The following GRIK4 variants were observed in gnomAD, a reference collection of about 807,000 sequenced individuals.
The protein encoded by GRIK4 is glutamate receptor ionotropic, kainate 4.
GRIK4 carries 40 observed loss-of-function variants against 104.9 expected under a neutral mutation model. The observed-to-expected ratio is 0.38, with a 90% CI of 0.30 to 0.50. GRIK4 has a LOEUF of 0.50. Among genes scored for constraint, GRIK4 ranks in the 20% least tolerant of loss-of-function variants. GRIK4 has a pLI of 0.93. For missense variants in GRIK4, 1,047 were observed against 1,308.1 expected, an observed-to-expected ratio of 0.80 and a Z score of 3.08; for synonymous variants, 485 against 524.9, an observed-to-expected ratio of 0.92 and a Z score of 1.04.
chr11:120,782,533 C>T (rs1952179020), intron 3 of GRIK4, among the ~76,000 whole-genome samples: 1 of 152,174 alleles, frequency 6.6e-6, no homozygotes, highest in Non-Finnish European at 1.5e-5. Context: ...GATCTGCCTG[C>T]CTTGGCCTCC....
chr11:120,614,639 T>A (rs1949082938), intron 1 of GRIK4, among the ~76,000 whole-genome samples: 1 of 152,194 alleles, frequency 6.6e-6, no homozygotes, highest in African/African-American at 2.4e-5. Flanking sequence ...CCAGCTACCC[T>A]ACGGTTCTAG....
intron 11 of GRIK4, among the ~76,000 whole-genome samples, chr11:120,883,464 G>C (rs1252638530): frequency 2.0e-5 from 3 of 152,144 alleles, no homozygotes; most frequent in Non-Finnish European, 4.4e-5. Flanking sequence ...TTCACTAAAA[G>C]GCTCTGAAAT....
chr11:120,748,477 C>T (rs539572965), intron 3 of GRIK4, among the ~76,000 whole-genome samples: 2 of 152,172 alleles, frequency 1.3e-5, no homozygotes, highest in South Asian at 2.1e-4. Context: ...GCTACCAGAC[C>T]CACAGTTTCC....
chr11:120,649,934 A>T (rs1369778012), intron 1 of GRIK4, among the ~76,000 whole-genome samples: 2 of 152,044 alleles, frequency 1.3e-5, no homozygotes, highest in African/African-American at 4.8e-5. Context: ...TTCAGAACTG[A>T]GCTGTTTTGT....
At chr11:120,633,219 A>G (rs1438014549) in intron 1 of GRIK4, among the ~76,000 whole-genome samples, 4 of 152,158 alleles carry the variant, frequency 2.6e-5, no homozygotes, top group African/African-American at 4.8e-5. Flanking sequence ...TGCCAATGGC[A>G]AGGTAATTAT....
chr11:120,982,907 G>A (rs930442697), intron 20 of GRIK4, among the ~76,000 whole-genome samples: 2 of 152,100 alleles, frequency 1.3e-5, no homozygotes, highest in African/African-American at 4.8e-5. Flanking sequence ...ACACAACACC[G>A]CCTGCCAGTC....
intron 1 of GRIK4, among the ~76,000 whole-genome samples, chr11:120,516,667 G>C (rs1020920918): frequency 2.0e-5 from 3 of 152,152 alleles, no homozygotes; most frequent in South Asian, 2.1e-4. Flanking sequence ...GAGGCGAAAG[G>C]GGGGTAAGCT....
At chr11:120,668,705 A>G (rs1198041607) in intron 3 of GRIK4, among the ~76,000 whole-genome samples, 2 of 152,176 alleles carry the variant, frequency 1.3e-5, no homozygotes. Context: ...GGCTCCCGGG[A>G]GGCTCTAGCA....
intron 19 of GRIK4, among the ~76,000 whole-genome samples, chr11:120,970,933 T>C (rs1020139780): frequency 2.0e-5 from 3 of 152,202 alleles, no homozygotes; most frequent in Non-Finnish European, 2.9e-5. Flanking sequence ...CTTGTGATAG[T>C]AGACACTCTG....
At chr11:120,564,154 C>G (rs1468555954) in intron 1 of GRIK4, among the ~76,000 whole-genome samples, 1 of 152,170 alleles carries the variant, frequency 6.6e-6, no homozygotes, top group Non-Finnish European at 1.5e-5. Flanking sequence ...CCCCAGCCAG[C>G]TCCCTCTCCC....
chr11:120,591,737 A>G (rs1370447619), intron 1 of GRIK4, among the ~76,000 whole-genome samples: 1 of 152,174 alleles, frequency 6.6e-6, no homozygotes, highest in East Asian at 1.9e-4. Flanking sequence ...ATTGATGCTC[A>G]TAGACAAACA....
intron 19 of GRIK4, among the ~76,000 whole-genome samples, chr11:120,969,903 T>A (rs567336370): frequency 1.3e-5 from 2 of 152,226 alleles, no homozygotes; most frequent in East Asian, 3.9e-4. Context: ...CTCACCACAG[T>A]GGGTTGAGGG....
chr11:120,541,339 A>C (rs1948033376), intron 1 of GRIK4, among the ~76,000 whole-genome samples: 1 of 152,204 alleles, frequency 6.6e-6, no homozygotes, highest in Admixed American at 6.5e-5. Flanking sequence ...TTCCTGTGTC[A>C]GTTTCGCCCA....
intron 3 of GRIK4, among the ~76,000 whole-genome samples, chr11:120,725,671 T>A (rs956454177): frequency 5.9e-5 from 9 of 152,138 alleles, no homozygotes; most frequent in Non-Finnish European, 2.9e-5. Flanking sequence ...TGGGGGTCCT[T>A]TCTTGAGGAA....
intron 3 of GRIK4, among the ~76,000 whole-genome samples, chr11:120,783,646 G>A (rs1952206796): frequency 6.6e-6 from 1 of 152,168 alleles, no homozygotes; most frequent in Admixed American, 6.5e-5. Context: ...CATCGGAATA[G>A]GACTGCTTTT....
intron 3 of GRIK4, among the ~76,000 whole-genome samples, chr11:120,679,704 C>T (rs1393166929): frequency 1.3e-5 from 2 of 152,194 alleles, no homozygotes; most frequent in African/African-American, 4.8e-5. Flanking sequence ...CCCCTGCCCA[C>T]CTCAGACATG....
intron 1 of GRIK4, among the ~76,000 whole-genome samples, chr11:120,570,304 C>T (rs543674135): frequency 1.1e-4 from 16 of 152,228 alleles, no homozygotes; most frequent in African/African-American, 3.1e-4. Context: ...TTTCTCTGTC[C>T]CACCCTTCCT....
At chr11:120,754,300 C>T (rs1411109017) in intron 3 of GRIK4, among the ~76,000 whole-genome samples, 1 of 152,214 alleles carries the variant, frequency 6.6e-6, no homozygotes, top group Non-Finnish European at 1.5e-5. Flanking sequence ...GCGTGAAGCA[C>T]TGTGCCTGGC....
chr11:120,920,153 T>A (rs12421080), intron 13 of GRIK4, among the ~76,000 whole-genome samples: 11,400 of 152,138 alleles, frequency 0.075, 533 homozygotes, highest in African/African-American at 0.14. Context: ...TGGACAAGTC[T>A]CCCAACGTTT....
Sources: allele counts gnomAD v4.1 joint callset (sites outside exome capture counted in the v4.1 genomes callset), GRCh38; gene constraint gnomAD v4.1.1; transcripts MANE v1.5; gene names NCBI Gene and HGNC (gene_info 2026-07-23, HGNC 2026-07-21).